Variants in HPN observed in about 807,000 individuals in gnomAD.
The protein encoded by HPN is hepsin.
Under a neutral mutation model 55.9 loss-of-function variants are expected in HPN, and 13 were observed. That is an observed-to-expected ratio of 0.23 (90% CI 0.15 to 0.37). The LOEUF (loss-of-function observed/expected upper bound fraction) is 0.37. HPN is among the 10% of genes least tolerant of loss of function. HPN has a pLI of 1.00. For synonymous variants in HPN, 225 were observed against 240.3 expected, an observed-to-expected ratio of 0.94 and a Z score of 0.59; for missense variants, 451 against 575.8, an observed-to-expected ratio of 0.78 and a Z score of 2.22.
upstream of HPN, chr19:35,040,567 T>A (rs1265540881): frequency 6.6e-6 from 1 of 152,564 alleles, no homozygotes; most frequent in Non-Finnish European, 1.5e-5. Flanking sequence ...TAGTGCCTGA[T>A]CTGTGTCGGG....
At position 35,065,568 on chromosome 19, in the gene HPN, C is replaced by G; in HGVS notation, c.937C>G (p.Arg313Gly). The G allele has an allele frequency of 1.2e-6, 2 of 1,614,088 alleles. No homozygotes were observed. The highest frequency in any genetic ancestry group is 1.6e-4 in the Middle Eastern group (1 of 6,062). ...ACAGGCCGGGGTACTCCAGGAGGCT[C>G]GAGTCCCCATAATCAGCAATGATGT... ...GQQAGVLQEA[R>G]VPIISNDVCN... Residue 313 changes from arginine to glycine, a missense_variant, in exon 11 of 13, where the codon CGA becomes GGA. Coordinates refer to ENST00000672452, the MANE Select transcript of HPN (RefSeq NM_001384133.1).
chr19:35,040,946 G>C (rs2064287522), upstream of HPN, among the ~76,000 whole-genome samples: 1 of 152,204 alleles, frequency 6.6e-6, no homozygotes, highest in Non-Finnish European at 1.5e-5. Context: ...AGCCGAGGCC[G>C]ACTGTGTCCG....
chr19:35,055,403 GA>G, intron 4 of HPN, among the ~76,000 whole-genome samples: 1 of 147,496 alleles, frequency 6.8e-6, no homozygotes, highest in African/African-American at 2.5e-5. Flanking sequence ...TCTCAAAAAA[GA>G]AAAAAAAAAG....
intron 2 of HPN, among the ~76,000 whole-genome samples, chr19:35,047,083 C>T (rs1228789638): frequency 2.0e-5 from 3 of 152,236 alleles, no homozygotes; most frequent in Non-Finnish European, 1.5e-5. Context: ...CCACCTCGGC[C>T]TCCCAAAGTG....
chr19:35,043,985 G>T (rs532487617), intron 2 of HPN, among the ~76,000 whole-genome samples: 1 of 152,254 alleles, frequency 6.6e-6, no homozygotes, highest in Non-Finnish European at 1.5e-5. Flanking sequence ...TGTGGAGGTC[G>T]AACCTGGACA....
chr19:35,060,156 C>T lies in HPN; in HGVS notation c.441C>T (p.Ala147=), dbSNP rs920226663. 2.5e-6 allele frequency: 4 copies of T among 1,614,150 alleles called. No homozygotes were observed. Among genetic ancestry groups the T allele is most frequent in the South Asian group, 1.1e-5 (1 of 91,088 alleles). The part of the protein sequence containing the change: ...VCDCPRGRFL[A]AICQDCGRRK... Reference sequence around the variant, plus strand: ...ATTGCCCCAGAGGCCGTTTCTTGGCCGCCATCTGCCAAGGTGAGATCCTAA... The same window carrying T: ...ATTGCCCCAGAGGCCGTTTCTTGGCTGCCATCTGCCAAGGTGAGATCCTAA... The change falls in exon 7 of 13, where the codon GCC becomes GCT. Residue 147 remains alanine (A), a synonymous_variant. Coordinates refer to ENST00000672452, the MANE Select transcript of HPN (RefSeq NM_001384133.1).
intron 6 of HPN, 46 bp downstream of exon 6, chr19:35,060,042 G>A: frequency 1.2e-6 from 2 of 1,613,032 alleles, no homozygotes; most frequent in South Asian, 2.2e-5. Context: ...AGACCCCCAA[G>A]GCACTCCCTC....
chr19:35,060,709 C>CA lies in HPN; in HGVS notation c.704dup (p.Ala236GlyfsTer85). 1 of 1,614,188 alleles carries CA rather than the reference C, an allele frequency of 6.2e-7. No individual in the cohort carries two copies. The highest frequency in any genetic ancestry group is 8.5e-7 in the Non-Finnish European group (1 of 1,180,024). On this transcript the variant is annotated frameshift_variant, in exon 9 of 13. Coordinates refer to ENST00000672452, the MANE Select transcript of HPN (RefSeq NM_001384133.1). LOFTEE classifies it high-confidence loss of function. ...TCCCCACGGTCTGCAGCTGGGGGTG[C>CA]AGGCTGTGGTCTACCACGGGGGCTA...
chr19:35,063,941 A>G (rs1481641821), intron 9 of HPN, among the ~76,000 whole-genome samples: 1 of 152,242 alleles, frequency 6.6e-6, no homozygotes, highest in African/African-American at 2.4e-5. Context: ...TAAAGAGCTT[A>G]GAGAACTGCC....
Position 35,057,413 on chromosome 19 carries a change from G to T in HPN, c.161-2260G>T, listed in dbSNP as rs1248648665. Among the ~76,000 whole-genome samples, 9 of 145,786 alleles carry T rather than the reference G, an allele frequency of 6.2e-5. No individual in the cohort carries two copies. In the South Asian group the frequency reaches 2.0e-3, roughly 32 times the overall value. The stretch of plus-strand genomic sequence containing the variant: ...TGCATTCCAGCCTGGGTGACAGAGC[G>T]AGACTCTGTCTCAAAAAAAAAAAAA... On this transcript the variant is annotated intron_variant, in intron 4 of 12. Coordinates refer to ENST00000672452, the MANE Select transcript of HPN (RefSeq NM_001384133.1).
At chr19:35,060,872 G>C in intron 9 of HPN, 55 bp downstream of exon 9, 1 of 1,455,592 alleles carries the variant, frequency 6.9e-7, no homozygotes, top group Non-Finnish European at 9.3e-7. Flanking sequence ...GGAGGACAGA[G>C]GAGGGGACCA....
rs201266611 is a variant in HPN, at chr19:35,059,906, C to G, written c.323C>G (p.Thr108Arg). 3 of 1,496,236 alleles carry G rather than the reference C, an allele frequency of 2.0e-6. No individual in the cohort carries two copies. The South Asian group carries it at 4.1e-5, about 20-fold the overall frequency. 92.7% of individuals were successfully genotyped at this position (1,496,236 alleles called of 1,614,324 possible). A position where few individuals can be genotyped will look rare whatever the true frequency, so the allele number is the denominator to read the frequency against. The part of the protein sequence containing the change: ...ALTHSELDVR[T>R]AGANGTSGFF... ...ACCCACTCCGAGCTGGACGTGCGAA[C>G]GGCGGGCGCCAATGGCACGTCGGGC... Residue 108 changes from threonine to arginine, a missense_variant, in exon 6 of 13, where the codon ACG becomes AGG. Physicochemically the swap from Thr to Arg is moderately conservative, Grantham distance 71. This residue lies in a region of HPN where 378 missense variants were observed against 445.5 expected (regional missense o/e 0.85). Transcript: ENST00000672452.
intron 4 of HPN, among the ~76,000 whole-genome samples, chr19:35,051,796 C>G (rs964708890): frequency 6.6e-6 from 1 of 152,218 alleles, no homozygotes; most frequent in African/African-American, 2.4e-5. Flanking sequence ...GCTGTTACAT[C>G]CCAACATTTT....
Position 35,066,504 on chromosome 19 carries a change from G to A in HPN, c.*217G>A. On this transcript the variant is annotated 3_prime_UTR_variant, in exon 13 of 13. Coordinates refer to ENST00000672452, the MANE Select transcript of HPN (RefSeq NM_001384133.1). ...ACCCCCATGTAAATATTGTTCTGCT[G>A]TCTGGGACTCCTGTCTAGGTGCCCC... is the stretch of plus-strand genomic sequence containing the variant. 1.7e-6 allele frequency: 1 copy of A among 596,906 alleles called. No individual in the cohort carries two copies. 37.0% of individuals were successfully genotyped at this position (596,906 alleles called of 1,614,324 possible).
chr19:35,042,594 C>T, intron 2 of HPN, 72 bp downstream of exon 2: 1 of 1,326,722 alleles, frequency 7.5e-7, no homozygotes, highest in Non-Finnish European at 1.1e-6. Flanking sequence ...TTTCTCTACC[C>T]TCTACTCTTC....
chr19:35,050,894 T>C (rs1041424378), intron 4 of HPN, among the ~76,000 whole-genome samples: 16 of 147,884 alleles, frequency 1.1e-4, no homozygotes, highest in Non-Finnish European at 1.6e-4. Context: ...TTTCTTTTTT[T>C]TTTCTTTCTT....
intron 4 of HPN, among the ~76,000 whole-genome samples, chr19:35,050,117 T>C (rs2064388371): frequency 6.6e-6 from 1 of 152,134 alleles, no homozygotes; most frequent in South Asian, 2.1e-4. Context: ...AGGAGGTAGT[T>C]TTTTTGTTTG....
At chr19:35,041,110 C>T (rs1485190127), upstream of HPN, among the ~76,000 whole-genome samples, 1 of 152,196 alleles carries the variant, frequency 6.6e-6, no homozygotes, top group Admixed American at 6.5e-5. Flanking sequence ...GGGCCTCTGC[C>T]CTTAGCGCTG....
At chr19:35,047,041 G>T (rs2064348961) in intron 2 of HPN, among the ~76,000 whole-genome samples, 1 of 152,096 alleles carries the variant, frequency 6.6e-6, no homozygotes, top group Non-Finnish European at 1.5e-5. Context: ...TGTTAGCCAG[G>T]ATGGTCTCGA....
Sources: allele counts gnomAD v4.1 joint callset (sites outside exome capture counted in the v4.1 genomes callset), GRCh38; gene constraint gnomAD v4.1.1; regional missense constraint gnomAD v4.1.1; transcripts MANE v1.5; gene names NCBI Gene and HGNC (gene_info 2026-07-23, HGNC 2026-07-21).